Variants in CDH12 observed in about 807,000 individuals in gnomAD.
The protein encoded by CDH12 is cadherin-12.
In CDH12, 41 loss-of-function variants were observed where a neutral mutation model predicts 74.1. The ratio of observed to expected loss-of-function variants is 0.55; its 90% CI spans 0.43 to 0.72. The LOEUF is 0.72. Ranked by LOEUF, CDH12 falls within the 30% of genes least tolerant of loss-of-function variation. The pLI is 0.00. For synonymous variants in CDH12, 399 were observed against 355.0 expected, an observed-to-expected ratio of 1.12 and a Z score of -1.39; for missense variants, 945 against 977.2, an observed-to-expected ratio of 0.97 and a Z score of 0.44.
chr5:22,190,290 AT>A (rs1008336988), intron 4 of CDH12, among the ~76,000 whole-genome samples: 34 of 152,026 alleles, frequency 2.2e-4, no homozygotes, highest in African/African-American at 8.2e-4. Context: ...TTTCAAGTAC[AT>A]TTTACAGTGA....
At chr5:22,348,939 TC>T (rs1387707920) in intron 3 of CDH12, among the ~76,000 whole-genome samples, 1 of 151,990 alleles carries the variant, frequency 6.6e-6, no homozygotes, top group Non-Finnish European at 1.5e-5. Flanking sequence ...AATGTTTGTG[TC>T]CCCCCAAAAT....
intron 3 of CDH12, among the ~76,000 whole-genome samples, chr5:22,245,296 T>A (rs536790173): frequency 3.4e-4 from 52 of 152,222 alleles, no homozygotes; most frequent in African/African-American, 1.2e-3. Context: ...AAATAAAAGA[T>A]GAAGATGGCT....
At chr5:21,954,063 C>T (rs1755987107) in intron 6 of CDH12, among the ~76,000 whole-genome samples, 1 of 151,968 alleles carries the variant, frequency 6.6e-6, no homozygotes, top group Non-Finnish European at 1.5e-5. Flanking sequence ...TCTACTTCAT[C>T]CTGCTTTCAA....
chr5:22,497,638 CTTTTT>C (rs747466944), intron 2 of CDH12, among the ~76,000 whole-genome samples: 16 of 83,250 alleles, frequency 1.9e-4, no homozygotes, highest in East Asian at 8.5e-4. Flanking sequence ...TGTCGAATCT[CTTTTT>C]TTTTTTTTTT....
intron 3 of CDH12, among the ~76,000 whole-genome samples, chr5:22,378,502 T>A (rs966865510): frequency 2.7e-4 from 41 of 152,164 alleles, no homozygotes; most frequent in African/African-American, 9.4e-4. Flanking sequence ...TAGAGTTGGA[T>A]GAAATATAAA....
At position 22,296,085 on chromosome 5, in the gene CDH12, A is replaced by AC. The variant is rs201663327; in HGVS notation, c.-332-83443_-332-83442insG. Among the ~76,000 whole-genome samples the AC allele has an allele frequency of 8.2e-3, 1,248 of 152,096 alleles. 18 individuals carry two copies. Among genetic ancestry groups the AC allele is most frequent in the African/African-American group, 0.029 (1,190 of 41,508 alleles). On this transcript the variant is annotated intron_variant, in intron 3 of 14. Transcript: ENST00000382254. The stretch of plus-strand genomic sequence containing the variant: ...ACACTAACTTTATGATACCTATAGG[A>AC]GAAAAATAATGCTTAAAGGGAAAAA...
intron 3 of CDH12, among the ~76,000 whole-genome samples, chr5:22,264,570 G>C (rs1415037392): frequency 1.3e-5 from 2 of 152,166 alleles, no homozygotes; most frequent in African/African-American, 4.8e-5. Flanking sequence ...CAAGGTGTGT[G>C]AGTAATTATC....
intron 1 of CDH12, among the ~76,000 whole-genome samples, chr5:22,739,552 T>G (rs1206496110): frequency 6.6e-6 from 1 of 152,100 alleles, no homozygotes; most frequent in African/African-American, 2.4e-5. Context: ...TCTACCTTAT[T>G]GTTGTTTTGT....
chr5:22,049,357 C>T (rs890728056), intron 5 of CDH12, among the ~76,000 whole-genome samples: 3 of 152,212 alleles, frequency 2.0e-5, no homozygotes, highest in South Asian at 2.1e-4. Context: ...CATGAGTCCG[C>T]TTCCTTTTTC....
chr5:22,305,918 C>T (rs146418955), intron 3 of CDH12, among the ~76,000 whole-genome samples: 1 of 152,208 alleles, frequency 6.6e-6, no homozygotes, highest in East Asian at 1.9e-4. Flanking sequence ...CACTAAGGCA[C>T]CCTGAATGAT....
chr5:22,589,253 T>C (rs1022560005), intron 1 of CDH12, among the ~76,000 whole-genome samples: 12 of 152,176 alleles, frequency 7.9e-5, no homozygotes, highest in African/African-American at 2.9e-4. Flanking sequence ...CCCTTCAGCC[T>C]GTGCCCTAGA....
At chr5:22,028,518 C>T (rs1019972720) in intron 5 of CDH12, among the ~76,000 whole-genome samples, 1 of 152,204 alleles carries the variant, frequency 6.6e-6, no homozygotes, top group African/African-American at 2.4e-5. Flanking sequence ...ACAATTGCTT[C>T]AAAGAGAATA....
At chr5:21,966,844 CT>C (rs1756607882) in intron 6 of CDH12, among the ~76,000 whole-genome samples, 1 of 151,938 alleles carries the variant, frequency 6.6e-6, no homozygotes, top group South Asian at 2.1e-4. Flanking sequence ...CTGGATAGAC[CT>C]TTATGTAATA....
At chr5:21,950,761 TTATTA>T (rs1185119159) in intron 6 of CDH12, among the ~76,000 whole-genome samples, 16 of 81,254 alleles carry the variant, frequency 2.0e-4, no homozygotes, top group African/African-American at 7.8e-4. Context: ...TTTTATTTTA[TTATTA>T]TTATTATTAT....
At chr5:22,502,104 T>C (rs1190930829) in intron 2 of CDH12, among the ~76,000 whole-genome samples, 1 of 152,162 alleles carries the variant, frequency 6.6e-6, no homozygotes, top group African/African-American at 2.4e-5. Flanking sequence ...TCTTGATAGT[T>C]GATATGGTTT....
At chr5:22,360,303 C>A (rs974866139) in intron 3 of CDH12, among the ~76,000 whole-genome samples, 5 of 152,130 alleles carry the variant, frequency 3.3e-5, no homozygotes, top group Non-Finnish European at 7.3e-5. Context: ...CTATAAACAC[C>A]TCTACACAAA....
At chr5:22,171,283 G>C (rs1390020686) in intron 4 of CDH12, among the ~76,000 whole-genome samples, 4 of 151,760 alleles carry the variant, frequency 2.6e-5, no homozygotes, top group Non-Finnish European at 5.9e-5. Context: ...AATCTCTAAT[G>C]ATTAATTGGA....
At chr5:22,767,025 T>C (rs1466234484) in intron 1 of CDH12, among the ~76,000 whole-genome samples, 1 of 152,044 alleles carries the variant, frequency 6.6e-6, no homozygotes, top group African/African-American at 2.4e-5. Context: ...TTTACATGTA[T>C]AAGAAATTTC....
At chr5:22,071,310 C>A (rs557679121) in intron 5 of CDH12, among the ~76,000 whole-genome samples, 198 of 152,142 alleles carry the variant, frequency 1.3e-3, no homozygotes, top group Non-Finnish European at 2.0e-3. Flanking sequence ...ATTCCTCAGT[C>A]TCCTTCATTT....
Sources: allele counts gnomAD v4.1 joint callset (sites outside exome capture counted in the v4.1 genomes callset), GRCh38; gene constraint gnomAD v4.1.1; transcripts MANE v1.5; gene names NCBI Gene and HGNC (gene_info 2026-07-23, HGNC 2026-07-21).